Variants in FANCL observed in about 807,000 individuals in gnomAD.
FANCL encodes the protein E3 ubiquitin-protein ligase FANCL.
Under a neutral mutation model 59.4 loss-of-function variants are expected in FANCL, and 69 were observed. The observed-to-expected ratio is 1.16, with a 90% confidence interval of 0.96 to 1.42. The LOEUF (loss-of-function observed/expected upper bound fraction) is 1.42. FANCL is among the 40% of genes most tolerant of loss of function. The pLI, the probability that FANCL is intolerant of heterozygous loss-of-function variation, is 0.00. For synonymous variants in FANCL, 180 were observed against 147.1 expected (o/e 1.22, Z -1.62); for missense variants, 519 against 447.2 (o/e 1.16, Z -1.45).
At chr2:58,227,956 T>C (rs368750557) in intron 3 of FANCL, among the ~76,000 whole-genome samples, 1 of 152,002 alleles carries the variant, frequency 6.6e-6, no homozygotes, top group Non-Finnish European at 1.5e-5. Context: ...AGAAGAGGTA[T>C]AGGAGTGATG....
chr2:58,232,986 G>A (rs1693718391), intron 1 of FANCL, among the ~76,000 whole-genome samples: 1 of 151,874 alleles, frequency 6.6e-6, no homozygotes. Context: ...CAAAAACAGA[G>A]GAACACAATT....
chr2:58,161,655 T>A lies in FANCL; in HGVS notation c.904-17A>T. On this transcript the variant is annotated splice_polypyrimidine_tract_variant and intron_variant, in intron 11 of 13. Transcript: ENST00000233741. ...AGTAAAATCCTTCAAAAGAAAAATA[T>A]TTATAAAAAGCGTATGTGTCTCACT... 3.2e-6 allele frequency: 5 copies of A among 1,548,568 alleles called. No individual in the cohort carries two copies. Among genetic ancestry groups the A allele is most frequent in the Non-Finnish European group, 4.5e-6 (5 of 1,121,592 alleles).
chr2:58,198,562 C>T (rs762187856), intron 7 of FANCL, 32 bp downstream of exon 7: 10 of 1,588,722 alleles, frequency 6.3e-6, no homozygotes, highest in Admixed American at 3.3e-5. Flanking sequence ...TTACTTAAAA[C>T]AAATTTAAGA....
intron 6 of FANCL, among the ~76,000 whole-genome samples, chr2:58,201,186 A>G (rs1330568406): frequency 6.6e-6 from 1 of 151,616 alleles, no homozygotes; most frequent in Non-Finnish European, 1.5e-5. Context: ...TTCAATAATA[A>G]GTTGTATAGG....
At chr2:58,237,506 G>A (rs918791724) in intron 1 of FANCL, among the ~76,000 whole-genome samples, 16 of 152,068 alleles carry the variant, frequency 1.1e-4, no homozygotes, top group Admixed American at 6.5e-4. Context: ...TACTAGAATA[G>A]AAGAAAGATC....
intron 3 of FANCL, among the ~76,000 whole-genome samples, chr2:58,227,812 T>C (rs112144223): frequency 0.01 from 1,534 of 152,262 alleles, 28 homozygotes; most frequent in Middle Eastern, 0.048. Flanking sequence ...GACCCATCTT[T>C]CTCTACTCAG....
rs145181728 is a variant in FANCL at position 58,220,903 on chromosome 2, T to C, written c.374+1039A>G. ...ATAATAAATGAATACTAAAATACTA[T>C]TGATAACGGTTAAGAAGTGATAAGA... On this transcript the variant is annotated intron_variant, in intron 5 of 13. Coordinates refer to ENST00000233741, the MANE Select transcript of FANCL (RefSeq NM_018062.4). Among the ~76,000 whole-genome samples, 819 of 152,290 alleles carry C rather than the reference T, an allele frequency of 5.4e-3. 21 individuals carry two copies. The highest frequency in any genetic ancestry group is 0.048 in the Admixed American group (735 of 15,288).
intron 4 of FANCL, 25 bp downstream of exon 4, chr2:58,226,703 T>A (rs1391975526): frequency 6.4e-7 from 1 of 1,556,736 alleles, no homozygotes; most frequent in Admixed American, 1.7e-5. Context: ...ATGGTAACAG[T>A]GTCAGAAAAA....
intron 5 of FANCL, among the ~76,000 whole-genome samples, chr2:58,207,223 AAT>A (rs1419099660): frequency 2.0e-5 from 3 of 152,136 alleles, no homozygotes; most frequent in Admixed American, 1.3e-4. Flanking sequence ...TGGACAGGCC[AAT>A]ATGAGCTAGC....
At chr2:58,168,042 T>A (rs867533843) in intron 7 of FANCL, among the ~76,000 whole-genome samples, 1 of 152,082 alleles carries the variant, frequency 6.6e-6, no homozygotes, top group African/African-American at 2.4e-5. Flanking sequence ...GCACCACAAA[T>A]GCCAAGAAAT....
At chr2:58,170,126 C>T (rs1316743252) in intron 7 of FANCL, among the ~76,000 whole-genome samples, 1 of 152,130 alleles carries the variant, frequency 6.6e-6, no homozygotes, top group Non-Finnish European at 1.5e-5. Flanking sequence ...ATGTTAAGGG[C>T]AGCCAGAGAC....
In FANCL at chr2:58,222,036, C is replaced by A. The variant is rs759396046; in HGVS notation, c.280G>T (p.Ala94Ser). The A allele has an allele frequency of 6.2e-7, 1 of 1,611,760 alleles. No homozygotes were observed. Among genetic ancestry groups the A allele is most frequent in the Non-Finnish European group, 8.5e-7 (1 of 1,178,228 alleles). The change falls in exon 5 of 14, where the codon GCC (alanine) becomes TCC (serine). Residue 94 changes from alanine to serine, a missense_variant. Physicochemically the swap from Ala to Ser is moderately conservative, Grantham distance 99 (BLOSUM62 1). Transcript: ENST00000233741. ...TACAGCTCTTGTCTATTCTTTAAGG[C>A]AACTTCCTGTTTAAAAGAAGAAAAC... ...MMELKMLLEV[A>S]LKNRQELYAL...
At chr2:58,185,068 A>T (rs1000986594) in intron 7 of FANCL, among the ~76,000 whole-genome samples, 1 of 152,162 alleles carries the variant, frequency 6.6e-6, no homozygotes, top group African/African-American at 2.4e-5. Context: ...TACCTCTATA[A>T]TACTACATGC....
At chr2:58,195,084 G>T (rs909072927) in intron 7 of FANCL, among the ~76,000 whole-genome samples, 8 of 151,838 alleles carry the variant, frequency 5.3e-5, no homozygotes, top group Non-Finnish European at 1.2e-4. Flanking sequence ...AACTACAACA[G>T]TAACATTTAT....
intron 6 of FANCL, among the ~76,000 whole-genome samples, chr2:58,202,652 G>A (rs1690157415): frequency 6.6e-6 from 1 of 151,566 alleles, no homozygotes; most frequent in Admixed American, 6.6e-5. Context: ...ATATTCTCCA[G>A]AGAAATACTA....
intron 7 of FANCL, among the ~76,000 whole-genome samples, chr2:58,196,875 A>G (rs1689480553): frequency 6.6e-6 from 1 of 151,904 alleles, no homozygotes; most frequent in Non-Finnish European, 1.5e-5. Flanking sequence ...CCTAGCTATA[A>G]TATTTTCTCA....
intron 5 of FANCL, among the ~76,000 whole-genome samples, chr2:58,211,789 A>T (rs1691190038): frequency 6.6e-6 from 1 of 152,128 alleles, no homozygotes; most frequent in Admixed American, 6.5e-5. Flanking sequence ...CTCTTTGCTA[A>T]AACATAACAA....
At chr2:58,160,216 T>G in intron 12 of FANCL, 37 bp from the exon 13 acceptor site, 1 of 1,593,100 alleles carries the variant, frequency 6.3e-7, no homozygotes, top group Non-Finnish European at 8.6e-7. Context: ...AGCGTCAGCA[T>G]GATTACAAAT....
intron 8 of FANCL, among the ~76,000 whole-genome samples, chr2:58,165,146 A>G (rs935836593): frequency 6.6e-6 from 1 of 152,162 alleles, no homozygotes; most frequent in African/African-American, 2.4e-5. Flanking sequence ...ATACACAGCC[A>G]TTTTATAGTC....
Sources: gnomAD v4.1 joint callset for allele counts (sites outside exome capture counted in the v4.1 genomes callset) on GRCh38, gnomAD v4.1.1 for gene constraint, MANE v1.5 for transcripts, NCBI Gene and HGNC (gene_info 2026-07-23, HGNC 2026-07-21) for gene names.